The following TMEM114 variants were observed in gnomAD, a reference collection of about 807,000 sequenced individuals.
TMEM114 encodes transmembrane protein 114.
In TMEM114, 6 loss-of-function variants were observed where a neutral mutation model predicts 6.2. That is an observed-to-expected ratio of 0.97 (90% CI 0.53 to 1.91). The LOEUF is 1.91. Ranked by LOEUF, TMEM114 falls within the 40% of genes most tolerant of loss-of-function variation. The probability of loss-of-function intolerance (pLI) is 0.01; values close to 1 mark genes in which losing one functional copy is unlikely to be tolerated. For missense variants in TMEM114, 218 were observed against 158.3 expected (o/e 1.38, Z -2.02); for synonymous variants, 104 against 73.0 (o/e 1.42, Z -2.16).
the TMEM114 span, among the ~76,000 whole-genome samples, chr16:8,528,214 G>C: frequency 6.6e-6 from 1 of 150,972 alleles, no homozygotes; most frequent in Non-Finnish European, 1.5e-5. Flanking sequence ...TTTCCTGATA[G>C]TTTCTGATAT....
chr16:8,539,630 G>A (rs1488737431), intron 2 of TMEM114, among the ~76,000 whole-genome samples: 2 of 152,148 alleles, frequency 1.3e-5, no homozygotes, highest in Non-Finnish European at 2.9e-5. Flanking sequence ...TCAGCTGGAA[G>A]CACTCTGCGT....
chr16:8,560,570 G>A lies in TMEM114; in HGVS notation n.213-22744C>T, dbSNP rs1439380344. ...TTTATTCTCAAGGAAGAAAGGGAGG[G>A]AGGTAGCCCGGGATGTCAAAGGGAG... On this transcript the variant is annotated intron_variant and non_coding_transcript_variant, in intron 2 of 2. Transcript: ENST00000623677. 3.3e-5 allele frequency among the ~76,000 whole-genome samples: 5 copies of A among 152,194 alleles called. 1 individual carries two copies. Among genetic ancestry groups the A allele is most frequent in the African/African-American group, 9.7e-5 (4 of 41,446 alleles).
intron 2 of TMEM114, among the ~76,000 whole-genome samples, chr16:8,575,463 C>G (rs564189625): frequency 1.3e-5 from 2 of 152,208 alleles, no homozygotes; most frequent in African/African-American, 4.8e-5. Flanking sequence ...ATTAAATTAT[C>G]TACCATGACC....
chr16:8,585,191 G>C (rs1039778154), intron 2 of TMEM114, among the ~76,000 whole-genome samples: 58 of 152,214 alleles, frequency 3.8e-4, no homozygotes, highest in African/African-American at 1.3e-3. Context: ...AACAGTATGG[G>C]AAAGACCTGC....
chr16:8,542,901 T>G (rs975559826), intron 2 of TMEM114, among the ~76,000 whole-genome samples: 1 of 152,168 alleles, frequency 6.6e-6, no homozygotes, highest in Non-Finnish European at 1.5e-5. Flanking sequence ...TGTATGGAGA[T>G]TAATCACAGA....
intron 2 of TMEM114, among the ~76,000 whole-genome samples, chr16:8,556,413 T>C (rs1004310641): frequency 6.6e-6 from 1 of 152,168 alleles, no homozygotes; most frequent in Non-Finnish European, 1.5e-5. Context: ...GGGATGAAAA[T>C]GTTCTAGAAC....
chr16:8,584,940 A>AAAGAAG (rs1266319654), intron 2 of TMEM114, among the ~76,000 whole-genome samples: 3 of 146,756 alleles, frequency 2.0e-5, no homozygotes, highest in Non-Finnish European at 4.5e-5. Flanking sequence ...AAAAAAAAAA[A>AAAGAAG]AAGAAGAAGA....
At chr16:8,540,955 C>T (rs1900499356) in intron 2 of TMEM114, among the ~76,000 whole-genome samples, 3 of 152,122 alleles carry the variant, frequency 2.0e-5, no homozygotes, top group South Asian at 2.1e-4. Flanking sequence ...TGCAAAGTCC[C>T]TGTGGCAAAG....
At chr16:8,534,963 A>G (rs1210028212), downstream of TMEM114, among the ~76,000 whole-genome samples, 1 of 152,214 alleles carries the variant, frequency 6.6e-6, no homozygotes, top group East Asian at 1.9e-4. Flanking sequence ...TACTCCTGTC[A>G]TCATCCCCTT....
intron 3 of TMEM114, among the ~76,000 whole-genome samples, chr16:8,571,257 G>A (rs1901725457): frequency 6.6e-6 from 1 of 152,010 alleles, no homozygotes. Flanking sequence ...GCCATTGTCT[G>A]TCCACCTGTT....
chr16:8,585,810 A>G (rs1403641534), intron 2 of TMEM114, among the ~76,000 whole-genome samples: 1 of 152,166 alleles, frequency 6.6e-6, no homozygotes, highest in Non-Finnish European at 1.5e-5. Context: ...TAGCCTCACA[A>G]TAACCTTACA....
chr16:8,543,383 A>G (rs572660154), intron 2 of TMEM114, among the ~76,000 whole-genome samples: 8 of 151,990 alleles, frequency 5.3e-5, no homozygotes, highest in African/African-American at 1.9e-4. Context: ...CTTGCTTGTT[A>G]CCTTGTCAAT....
At chr16:8,533,391 C>T (rs561683322), downstream of TMEM114, among the ~76,000 whole-genome samples, 1 of 152,252 alleles carries the variant, frequency 6.6e-6, no homozygotes, top group South Asian at 2.1e-4. Context: ...GAAACATGCT[C>T]TGTGAGTTCA....
intron 2 of TMEM114, among the ~76,000 whole-genome samples, chr16:8,576,758 GGAAGGAAGGA>G (rs1901951443): frequency 8.2e-6 from 1 of 121,938 alleles, no homozygotes; most frequent in Non-Finnish European, 1.8e-5. Context: ...AAGGAAGGAA[GGAAGGAAGGA>G]AATTGAGCAT....
chr16:8,558,720 G>C (rs1408298800), intron 2 of TMEM114, among the ~76,000 whole-genome samples: 2 of 150,644 alleles, frequency 1.3e-5, no homozygotes, highest in Admixed American at 1.3e-4. Flanking sequence ...TGGAAGATCA[G>C]ATGCCAGTAT....
chr16:8,564,274 T>C (rs547542177), intron 2 of TMEM114, among the ~76,000 whole-genome samples: 3 of 139,362 alleles, frequency 2.2e-5, no homozygotes, highest in South Asian at 4.9e-4. Context: ...ATGAAATAAG[T>C]GAATGAGTGA....
intron 2 of TMEM114, among the ~76,000 whole-genome samples, chr16:8,554,561 G>C (rs1165263210): frequency 1.3e-5 from 2 of 152,112 alleles, no homozygotes; most frequent in Non-Finnish European, 2.9e-5. Context: ...CTTTCTGTGG[G>C]GTTGGCTCTG....
At chr16:8,551,061 A>T (rs867761349) in intron 2 of TMEM114, among the ~76,000 whole-genome samples, 2 of 152,018 alleles carry the variant, frequency 1.3e-5, no homozygotes, top group East Asian at 3.9e-4. Flanking sequence ...CTGTTCGCTC[A>T]CTCTTCCTTG....
rs148219357 is a variant in TMEM114, at chr16:8,537,815, A to G, written n.224T>C. 3.5e-4 allele frequency: 53 copies of G among 152,292 alleles called. 1 individual carries two copies. The highest frequency in any genetic ancestry group is 2.4e-3 in the Admixed American group (37 of 15,296). The allele number at this position is 152,292 out of a possible 1,614,324, so 9.4% of individuals were successfully genotyped here. ...ATTCACCATTGACATCCATGGAGCT[A>G]TCAAAAAGCAGCTGTAAAAAAGAAC... On this transcript the variant is annotated non_coding_transcript_exon_variant, in exon 3 of 3. Coordinates refer to the TMEM114 transcript ENST00000623677.
Sources: allele counts gnomAD v4.1 joint callset (sites outside exome capture counted in the v4.1 genomes callset), GRCh38; gene constraint gnomAD v4.1.1; transcripts MANE v1.5; gene names NCBI Gene and HGNC (gene_info 2026-07-23, HGNC 2026-07-21).